POU3F3: variants seen among roughly 807,000 people sequenced by gnomAD.
POU3F3 encodes POU class 3 homeobox 3, also known as POU domain, class 3, transcription factor 3.
Under a neutral mutation model 8.6 loss-of-function variants are expected in POU3F3, and 1 was observed. The observed-to-expected ratio is 0.12, with a 90% confidence interval of 0.04 to 0.55. The LOEUF (loss-of-function observed/expected upper bound fraction) is 0.55. POU3F3 is among the 20% of genes least tolerant of loss of function. The pLI, the probability that POU3F3 is intolerant of heterozygous loss-of-function variation, is 0.91. For synonymous variants in POU3F3, 418 were observed against 327.4 expected (o/e 1.28, Z -2.99); for missense variants, 577 against 690.7 (o/e 0.84, Z 1.84).
At chr2:104,859,600 A>G (rs563782366), downstream of POU3F3, among the ~76,000 whole-genome samples, 2 of 152,284 alleles carry the variant, frequency 1.3e-5, no homozygotes, top group South Asian at 4.2e-4. Context: ...AAACCCGGAA[A>G]ACTGTGAGAG....
the POU3F3 span, among the ~76,000 whole-genome samples, chr2:104,891,494 G>A: frequency 4.6e-5 from 7 of 152,060 alleles, no homozygotes; most frequent in East Asian, 3.9e-4. Context: ...CCAAATATTC[G>A]GGCTTGTTTA....
chr2:104,853,842 T>C (rs913111210), upstream of POU3F3: 3 of 142,756 alleles, frequency 2.1e-5, no homozygotes, highest in Admixed American at 6.9e-5. Flanking sequence ...AGTTAAGATG[T>C]GGCGGAGGGG....
At chr2:104,872,593 C>T in the POU3F3 span, 1 of 287,218 alleles carries the variant, frequency 3.5e-6, no homozygotes, top group Non-Finnish European at 6.7e-6. This position sits in a 1 kb window ranked among gnomAD's most constrained non-coding sequence, Gnocchi z 4.6. Flanking sequence ...GGGACGCACT[C>T]GCTCTGCGCC....
In POU3F3 at chr2:104,856,207, A is replaced by G; in HGVS notation, c.697A>G (p.Met233Val). The change falls in exon 1 of 1, where the codon ATG (methionine) becomes GTG (valine). Residue 233 changes from methionine to valine, a missense_variant. By Grantham distance (21) the Met-to-Val change is conservative. Transcript: ENST00000361360. ...GCCCGGAGGCTTCACGGTGAACGGC[A>G]TGCTGAGCGCGCCACCGGGGCCCGG... is the stretch of plus-strand genomic sequence containing the variant. Reference protein sequence around the residue: ...SQPGGFTVNGMLSAPPGPGGG... With the variant: ...SQPGGFTVNGVLSAPPGPGGG... The G allele has an allele frequency of 7.9e-7, 1 of 1,265,438 alleles. No homozygotes were observed. The highest frequency in any genetic ancestry group is 3.0e-5 in the South Asian group (1 of 33,768). 78.4% of individuals were successfully genotyped at this position (1,265,438 alleles called of 1,614,324 possible). A position where few individuals can be genotyped will look rare whatever the true frequency, so the allele number is the denominator to read the frequency against.
Position 104,857,091 on chromosome 2 carries a change from G to A in POU3F3, c.*78G>A. 2.1e-6 allele frequency: 2 copies of A among 968,562 alleles called. No individual in the cohort carries two copies. Among genetic ancestry groups the A allele is most frequent in the Non-Finnish European group, 2.4e-6 (2 of 818,060 alleles). The allele number at this position is 968,562 out of a possible 1,614,324, so 60.0% of individuals were successfully genotyped here. A position where few individuals can be genotyped will look rare whatever the true frequency, so the allele number is the denominator to read the frequency against. On this transcript the variant is annotated 3_prime_UTR_variant, in exon 1 of 1. Transcript: ENST00000361360. ...CGTCAGCACCGCCGCCGCCCCTGCC[G>A]CCGCCGCCGCCGCCGCCGCCGCCGC...
chr2:104,911,414 CA>C, the POU3F3 span, among the ~76,000 whole-genome samples: 4,672 of 60,958 alleles, frequency 0.077, 89 homozygotes, highest in South Asian at 0.2. Flanking sequence ...GACTCCGTCT[CA>C]AAAAAAAAAA....
the POU3F3 span, among the ~76,000 whole-genome samples, chr2:104,914,918 C>A: frequency 2.6e-5 from 4 of 152,126 alleles, no homozygotes; most frequent in Non-Finnish European, 4.4e-5. Context: ...CAGAGGGTGA[C>A]AAAGAGTTGC....
the POU3F3 span, among the ~76,000 whole-genome samples, chr2:104,911,767 G>A: frequency 7.9e-5 from 12 of 151,972 alleles, no homozygotes; most frequent in Admixed American, 2.0e-4. Flanking sequence ...AGCATGAAAA[G>A]CTGATTCAGG....
rs762283249 is a variant in POU3F3, at chr2:104,856,317, GCACCACCAC to G, written c.823_831del (p.His275_His277del). On this transcript the variant is annotated inframe_deletion, in exon 1 of 1. Transcript: ENST00000361360. ...GCGGGGACACGCCAGAGCTGGCCGA[GCACCACCAC>G]CACCACCACCACCACGCGCATCCTC... is the stretch of plus-strand genomic sequence containing the variant. 6.7e-6 allele frequency: 10 copies of G among 1,503,100 alleles called. No homozygotes were observed. The highest frequency in any genetic ancestry group is 2.5e-5 in the East Asian group (1 of 40,194). 93.1% of individuals were successfully genotyped at this position (1,503,100 alleles called of 1,614,324 possible).
Position 104,856,293 on chromosome 2 carries a change from C to T in POU3F3, c.783C>T (p.Arg261=), listed in dbSNP as rs771794797. The change falls in exon 1 of 1, where the codon CGC becomes CGT. Residue 261 remains arginine (R), a synonymous_variant. Transcript: ENST00000361360. ...GCTTGGTGCACCCGGGGCTGGTGCG[C>T]GGGGACACGCCAGAGCTGGCCGAGC... The part of the protein sequence containing the change: ...AQSLVHPGLV[R]GDTPELAEHH... 2.8e-4 allele frequency: 416 copies of T among 1,481,028 alleles called. 5 individuals are homozygous for T. The highest frequency in any genetic ancestry group is 3.1e-5 in the Non-Finnish European group (35 of 1,124,200). 91.7% of individuals were successfully genotyped at this position (1,481,028 alleles called of 1,614,324 possible).
chr2:104,868,798 C>T, the POU3F3 span, among the ~76,000 whole-genome samples: 4 of 152,198 alleles, frequency 2.6e-5, no homozygotes, highest in Non-Finnish European at 4.4e-5. Flanking sequence ...AGGCTGATCA[C>T]GCTACTGTAT....
At chr2:104,917,149 C>T in the POU3F3 span, among the ~76,000 whole-genome samples, 1 of 152,244 alleles carries the variant, frequency 6.6e-6, no homozygotes, top group African/African-American at 2.4e-5. Context: ...ATGAGACCCA[C>T]ACCACTAGCT....
the POU3F3 span, among the ~76,000 whole-genome samples, chr2:104,882,457 G>T: frequency 1.3e-5 from 2 of 151,998 alleles, no homozygotes. Flanking sequence ...TCACCTTGTT[G>T]GTCAGGCTGG....
chr2:104,897,351 T>A, the POU3F3 span, among the ~76,000 whole-genome samples: 8 of 152,134 alleles, frequency 5.3e-5, no homozygotes, highest in South Asian at 1.7e-3. Flanking sequence ...GGGTCTCTGC[T>A]CCCCAACCCT....
At chr2:104,915,253 T>A in the POU3F3 span, among the ~76,000 whole-genome samples, 1 of 152,212 alleles carries the variant, frequency 6.6e-6, no homozygotes, top group African/African-American at 2.4e-5. Flanking sequence ...GTTGACAATG[T>A]GGCCACGGTA....
At chr2:104,887,435 A>G in the POU3F3 span, among the ~76,000 whole-genome samples, 1 of 152,172 alleles carries the variant, frequency 6.6e-6, no homozygotes, top group African/African-American at 2.4e-5. Context: ...TGATCAAGAC[A>G]TTACTTCAGT....
chr2:104,855,951 CG>C lies in POU3F3; in HGVS notation c.442del (p.Asp148ThrfsTer2). ...QPPPPPPQGP[D>X]VKGGAGRDDL... ...CGCCGCCGCCACCGCCGCAGGGCCC[CG>C]ACGTGAAGGGCGGCGCCGGGCGCGA... On this transcript the variant is annotated frameshift_variant, in exon 1 of 1. Coordinates refer to ENST00000361360, the MANE Select transcript of POU3F3 (RefSeq NM_006236.3). LOFTEE classifies it low-confidence loss of function (END_TRUNC). 9.4e-7 allele frequency: 1 copy of C among 1,058,804 alleles called. No individual in the cohort carries two copies. The highest frequency in any genetic ancestry group is 1.1e-6 in the Non-Finnish European group (1 of 875,660). 65.6% of individuals were successfully genotyped at this position (1,058,804 alleles called of 1,614,324 possible).
the POU3F3 span, among the ~76,000 whole-genome samples, chr2:104,886,930 T>A: frequency 6.6e-6 from 1 of 151,440 alleles, no homozygotes; most frequent in Non-Finnish European, 1.5e-5. Flanking sequence ...TAAAAAAATT[T>A]AAAAAATTTT....
downstream of POU3F3, among the ~76,000 whole-genome samples, chr2:104,860,973 T>G (rs1289809670): frequency 6.6e-6 from 1 of 151,872 alleles, no homozygotes; most frequent in Non-Finnish European, 1.5e-5. Flanking sequence ...CTATTGATAG[T>G]TTTATCGATA....
Sources: gnomAD v4.1 joint callset for allele counts (sites outside exome capture counted in the v4.1 genomes callset) on GRCh38, gnomAD v4.1.1 for gene constraint, Gnocchi (gnomAD v3.1) non-coding constraint, MANE v1.5 for transcripts, NCBI Gene and HGNC (gene_info 2026-07-23, HGNC 2026-07-21) for gene names.